The following ERC2 variants were observed in gnomAD, a reference collection of about 807,000 sequenced individuals.
ERC2 encodes ELKS/RAB6-interacting/CAST family member 2, also known as ERC protein 2.
In ERC2, 42 loss-of-function variants were observed where a neutral mutation model predicts 114.8. The observed-to-expected ratio is 0.37, with a 90% CI of 0.29 to 0.47. The LOEUF is 0.47. Among genes scored for constraint, ERC2 ranks in the 20% least tolerant of loss-of-function variants. The probability of loss-of-function intolerance (pLI) is 0.99; values close to 1 mark genes in which losing one functional copy is unlikely to be tolerated. For missense variants in ERC2, 939 were observed against 1,150.7 expected, an observed-to-expected ratio of 0.82 and a Z score of 2.66; for synonymous variants, 454 against 425.5, an observed-to-expected ratio of 1.07 and a Z score of -0.82.
intron 14 of ERC2, among the ~76,000 whole-genome samples, chr3:55,745,625 A>G (rs1429192641): frequency 2.0e-5 from 3 of 152,218 alleles, no homozygotes; most frequent in Non-Finnish European, 4.4e-5. Flanking sequence ...AATACACCTA[A>G]CCAGAATCTC....
chr3:55,812,685 A>G (rs2059764582), intron 14 of ERC2, among the ~76,000 whole-genome samples: 1 of 152,236 alleles, frequency 6.6e-6, no homozygotes, highest in Non-Finnish European at 1.5e-5. Flanking sequence ...GAGTTTGACT[A>G]TTTTATTAAA....
At chr3:55,754,221 ATATTT>A (rs2066906908) in intron 14 of ERC2, among the ~76,000 whole-genome samples, 1 of 152,130 alleles carries the variant, frequency 6.6e-6, no homozygotes, top group Non-Finnish European at 1.5e-5. Flanking sequence ...AGGAGAGAAA[ATATTT>A]TATTTTCTGT....
intron 17 of ERC2, among the ~76,000 whole-genome samples, chr3:55,629,498 A>T (rs2148621870): frequency 6.6e-6 from 1 of 152,350 alleles, no homozygotes; most frequent in Middle Eastern, 3.4e-3. Context: ...GTTTCTCATA[A>T]TATTCCTTGC....
intron 17 of ERC2, among the ~76,000 whole-genome samples, chr3:55,535,212 A>G (rs2053923719): frequency 6.6e-6 from 1 of 152,164 alleles, no homozygotes; most frequent in East Asian, 1.9e-4. Context: ...CCTGACTTGT[A>G]GTTTCTTCAG....
At position 55,715,022 on chromosome 3, in the gene ERC2, T is replaced by C. The variant is rs2064030341; in HGVS notation, c.2713-15510A>G. The stretch of plus-strand genomic sequence containing the variant: ...CCTGTTGCCTTCTATTTTAGTGAAC[T>C]ACAACAGTCCATTCAATGGAGCACC... On this transcript the variant is annotated intron_variant, in intron 15 of 17. Transcript: ENST00000288221. 2.6e-5 allele frequency among the ~76,000 whole-genome samples: 4 copies of C among 152,204 alleles called. No homozygotes were observed. In the East Asian group the frequency reaches 7.7e-4, roughly 29 times the overall value.
intron 1 of ERC2, among the ~76,000 whole-genome samples, chr3:56,453,951 A>T (rs1488848810): frequency 6.6e-6 from 1 of 152,220 alleles, no homozygotes; most frequent in African/African-American, 2.4e-5. Flanking sequence ...AGCCCTAGGA[A>T]GAATCCAGCT....
chr3:56,205,418 T>C (rs1221417565), intron 3 of ERC2, among the ~76,000 whole-genome samples: 1 of 152,106 alleles, frequency 6.6e-6, no homozygotes, highest in Non-Finnish European at 1.5e-5. Flanking sequence ...TGCATTGCAT[T>C]CTGAGCAGGA....
At chr3:56,099,694 G>C (rs1575418407) in intron 6 of ERC2, among the ~76,000 whole-genome samples, 1 of 152,310 alleles carries the variant, frequency 6.6e-6, no homozygotes, top group East Asian at 1.9e-4. Flanking sequence ...TGGTGAGCTT[G>C]GATGGCATCT....
intron 2 of ERC2, among the ~76,000 whole-genome samples, chr3:56,429,666 T>C (rs1328657659): frequency 1.3e-5 from 2 of 152,254 alleles, no homozygotes; most frequent in Non-Finnish European, 2.9e-5. Flanking sequence ...CAAATGTATT[T>C]ATATTCATGT....
intron 2 of ERC2, among the ~76,000 whole-genome samples, chr3:56,431,004 T>G (rs1197867415): frequency 6.8e-6 from 1 of 146,788 alleles, no homozygotes; most frequent in Non-Finnish European, 1.5e-5. Flanking sequence ...TTACCAACTG[T>G]GTGAACTTGG....
At chr3:56,419,279 A>G (rs980760132) in intron 2 of ERC2, among the ~76,000 whole-genome samples, 6 of 152,208 alleles carry the variant, frequency 3.9e-5, no homozygotes, top group African/African-American at 1.2e-4. Context: ...GTAGTATGAG[A>G]TTTGAGTTAC....
rs368807927 is a variant in ERC2, at chr3:55,804,953, G to A, written c.2565-70035C>T. Among the ~76,000 whole-genome samples the A allele has an allele frequency of 9.2e-5, 14 of 152,038 alleles. No individual in the cohort carries two copies. In the East Asian group the frequency reaches 1.2e-3, roughly 13 times the overall value. On this transcript the variant is annotated intron_variant, in intron 14 of 17. Coordinates refer to ENST00000288221, the MANE Select transcript of ERC2 (RefSeq NM_015576.3). ...CTCATAGGAGATAAAGCAGATGAGA[G>A]GGCTTTGTAAACATTAAAAGCCACA...
intron 5 of ERC2, among the ~76,000 whole-genome samples, chr3:56,145,552 G>A (rs1299719742): frequency 6.6e-6 from 1 of 152,128 alleles, no homozygotes; most frequent in Non-Finnish European, 1.5e-5. Flanking sequence ...GTTGGGGTAG[G>A]AATTGGAGTT....
chr3:56,445,265 C>T (rs78355416), intron 1 of ERC2, among the ~76,000 whole-genome samples: 2 of 152,286 alleles, frequency 1.3e-5, no homozygotes, highest in African/African-American at 2.4e-5. Context: ...CTGCTTCCCC[C>T]AATAGGTATT....
At chr3:55,863,982 TCA>T (rs951674752) in intron 14 of ERC2, among the ~76,000 whole-genome samples, 1 of 148,202 alleles carries the variant, frequency 6.7e-6, no homozygotes, top group African/African-American at 2.6e-5. Flanking sequence ...ACACACACAC[TCA>T]GAGTTAACAG....
At chr3:55,977,117 G>A (rs1373757109) in intron 12 of ERC2, among the ~76,000 whole-genome samples, 1 of 152,188 alleles carries the variant, frequency 6.6e-6, no homozygotes, top group East Asian at 1.9e-4. Flanking sequence ...CATTTCCACT[G>A]TTCAGAAGCT....
chr3:55,644,942 T>G (rs556780873), intron 17 of ERC2, among the ~76,000 whole-genome samples: 223 of 152,208 alleles, frequency 1.5e-3, no homozygotes, highest in Middle Eastern at 0.01. Context: ...GCTTCCATAT[T>G]GCTCACTACC....
intron 7 of ERC2, among the ~76,000 whole-genome samples, chr3:56,032,900 A>G (rs1158456126): frequency 4.9e-4 from 43 of 88,408 alleles, no homozygotes; most frequent in African/African-American, 1.6e-3. Flanking sequence ...AGAGAGAGAG[A>G]CAGAAAGAAA....
intron 12 of ERC2, among the ~76,000 whole-genome samples, chr3:55,972,605 A>C (rs2069250191): frequency 6.6e-6 from 1 of 151,844 alleles, no homozygotes; most frequent in South Asian, 2.1e-4. Flanking sequence ...AAGGACATGA[A>C]CTCACTGTTT....
Sources: allele counts gnomAD v4.1 joint callset (sites outside exome capture counted in the v4.1 genomes callset), GRCh38; gene constraint gnomAD v4.1.1; transcripts MANE v1.5; gene names NCBI Gene and HGNC (gene_info 2026-07-23, HGNC 2026-07-21).